Variants in SPATA16 observed in about 807,000 individuals in gnomAD.
SPATA16 encodes the protein spermatogenesis-associated protein 16.
Under a neutral mutation model 63.3 loss-of-function variants are expected in SPATA16, and 36 were observed. The ratio of observed to expected loss-of-function variants is 0.57; its 90% CI spans 0.44 to 0.75. The LOEUF is 0.75. Among genes scored for constraint, SPATA16 ranks in the 30% least tolerant of loss-of-function variants. The pLI, the probability that SPATA16 is intolerant of heterozygous loss-of-function variation, is 0.00. For missense variants in SPATA16, 646 were observed against 679.3 expected, an observed-to-expected ratio of 0.95 and a Z score of 0.54; for synonymous variants, 203 against 216.7, an observed-to-expected ratio of 0.94 and a Z score of 0.56.
At chr3:172,895,213 C>T (rs939977136) in intron 10 of SPATA16, among the ~76,000 whole-genome samples, 1 of 152,202 alleles carries the variant, frequency 6.6e-6, no homozygotes, top group African/African-American at 2.4e-5. Context: ...AGTCAAGATA[C>T]GGAACAGTTC....
chr3:173,071,829 A>G (rs1239568677), intron 2 of SPATA16, among the ~76,000 whole-genome samples: 2 of 152,204 alleles, frequency 1.3e-5, no homozygotes, highest in Non-Finnish European at 2.9e-5. Context: ...CAACGTCACT[A>G]ATCATCAAAG....
At chr3:173,118,604 C>A (rs1417569632) in intron 1 of SPATA16, among the ~76,000 whole-genome samples, 1 of 152,090 alleles carries the variant, frequency 6.6e-6, no homozygotes, top group Admixed American at 6.6e-5. Context: ...TTTCTTTTCA[C>A]CTATCACATT....
intron 2 of SPATA16, among the ~76,000 whole-genome samples, chr3:173,056,022 C>A (rs1021386777): frequency 1.3e-5 from 2 of 152,026 alleles, no homozygotes; most frequent in African/African-American, 2.4e-5. Flanking sequence ...GAGGATAAAT[C>A]GTATCTAAAG....
chr3:173,020,069 G>T (rs956268693), intron 3 of SPATA16, among the ~76,000 whole-genome samples: 1 of 151,932 alleles, frequency 6.6e-6, no homozygotes, highest in Non-Finnish European at 1.5e-5. Flanking sequence ...GCCGAAGTGG[G>T]TAGATCACCT....
intron 2 of SPATA16, among the ~76,000 whole-genome samples, chr3:173,053,835 T>C (rs976695621): frequency 1.3e-5 from 2 of 152,008 alleles, no homozygotes; most frequent in African/African-American, 4.8e-5. Context: ...TAATCATCAA[T>C]TGGTAATTTT....
At chr3:173,002,581 C>T in intron 4 of SPATA16, among the ~76,000 whole-genome samples, 1 of 152,106 alleles carries the variant, frequency 6.6e-6, no homozygotes, top group East Asian at 1.9e-4. Flanking sequence ...AGTTCTTTTA[C>T]AATGTATATG....
intron 2 of SPATA16, among the ~76,000 whole-genome samples, chr3:173,102,834 G>A (rs1737528767): frequency 6.6e-6 from 1 of 152,122 alleles, no homozygotes; most frequent in Non-Finnish European, 1.5e-5. Context: ...GAAGTCCCAA[G>A]TCCCAAGTCA....
At chr3:172,892,156 T>C (rs887764294) in intron 10 of SPATA16, among the ~76,000 whole-genome samples, 5 of 152,216 alleles carry the variant, frequency 3.3e-5, no homozygotes, top group Non-Finnish European at 1.5e-5. Flanking sequence ...AAACATTACT[T>C]TCTCTTGCCA....
At chr3:172,923,032 T>A (rs1732649457) in intron 8 of SPATA16, among the ~76,000 whole-genome samples, 1 of 152,150 alleles carries the variant, frequency 6.6e-6, no homozygotes, top group African/African-American at 2.4e-5. Flanking sequence ...CCCGATACAC[T>A]GGCTCTGCTA....
chr3:172,901,302 C>T (rs1025647331), intron 10 of SPATA16, among the ~76,000 whole-genome samples: 12 of 152,024 alleles, frequency 7.9e-5, no homozygotes, highest in East Asian at 1.9e-4. Flanking sequence ...CGGGTTCAAG[C>T]GATTCTCCTG....
chr3:172,909,003 C>T (rs1034136688), intron 10 of SPATA16, among the ~76,000 whole-genome samples: 6 of 152,160 alleles, frequency 3.9e-5, no homozygotes, highest in Non-Finnish European at 1.5e-5. Flanking sequence ...GCACCCTGTT[C>T]CTTCCCATTC....
At chr3:173,006,103 A>T (rs897263755) in intron 4 of SPATA16, among the ~76,000 whole-genome samples, 4 of 152,304 alleles carry the variant, frequency 2.6e-5, no homozygotes, top group African/African-American at 7.2e-5. Flanking sequence ...CAGATATTTG[A>T]CCTAAGCTAT....
chr3:172,917,232 A>C (rs1732514388), intron 8 of SPATA16, among the ~76,000 whole-genome samples: 1 of 152,250 alleles, frequency 6.6e-6, no homozygotes, highest in Non-Finnish European at 1.5e-5. Context: ...ATTATCTTCT[A>C]TAAAAATGTT....
chr3:172,988,795 T>A (rs891927032), intron 4 of SPATA16, among the ~76,000 whole-genome samples: 1 of 151,996 alleles, frequency 6.6e-6, no homozygotes, highest in African/African-American at 2.4e-5. Flanking sequence ...CACCATCACG[T>A]CCAGCTAATT....
intron 5 of SPATA16, among the ~76,000 whole-genome samples, chr3:172,974,745 T>C (rs1414978086): frequency 6.6e-6 from 1 of 152,122 alleles, no homozygotes; most frequent in African/African-American, 2.4e-5. Context: ...CCTAAGATTT[T>C]GGGTAAGATT....
intron 2 of SPATA16, among the ~76,000 whole-genome samples, chr3:173,083,412 A>G (rs1736969414): frequency 6.6e-6 from 1 of 152,216 alleles, no homozygotes; most frequent in Non-Finnish European, 1.5e-5. Context: ...GATGAATGAT[A>G]ATATGAAAAT....
chr3:173,075,684 A>G (rs928858144), intron 2 of SPATA16, among the ~76,000 whole-genome samples: 5 of 152,166 alleles, frequency 3.3e-5, no homozygotes, highest in Non-Finnish European at 2.9e-5. Context: ...AAAGACAAAT[A>G]TCACAGGTCC....
chr3:172,916,074 T>G (rs1278491956), intron 9 of SPATA16, among the ~76,000 whole-genome samples: 1 of 152,186 alleles, frequency 6.6e-6, no homozygotes, highest in East Asian at 1.9e-4. Flanking sequence ...CTTTCTATGT[T>G]TTTACACATC....
At chr3:173,024,226 T>A (rs1735401325) in intron 3 of SPATA16, among the ~76,000 whole-genome samples, 1 of 151,818 alleles carries the variant, frequency 6.6e-6, no homozygotes, top group Middle Eastern at 3.4e-3. Context: ...TTTATTTACA[T>A]CATCTGCAAA....
Sources: gnomAD v4.1 joint callset for allele counts (sites outside exome capture counted in the v4.1 genomes callset) on GRCh38, gnomAD v4.1.1 for gene constraint, MANE v1.5 for transcripts, NCBI Gene and HGNC (gene_info 2026-07-23, HGNC 2026-07-21) for gene names.